Variants in INVS observed in about 807,000 individuals in gnomAD.
The protein encoded by INVS is inversion of embryo turning homolog.
A neutral mutation model predicts 108.8 loss-of-function variants in INVS; 86 were observed. That is an observed-to-expected ratio of 0.79 (90% confidence interval 0.66 to 0.95). INVS has a LOEUF of 0.95. Ranked by LOEUF, INVS falls within the 40% of genes least tolerant of loss-of-function variation. The pLI, the probability that INVS is intolerant of heterozygous loss-of-function variation, is 0.00. For missense variants in INVS, 1,169 were observed against 1,297.4 expected, an observed-to-expected ratio of 0.90 and a Z score of 1.52; for synonymous variants, 455 against 473.5, an observed-to-expected ratio of 0.96 and a Z score of 0.51.
At chr9:100,248,840 T>C (rs904238010) in intron 8 of INVS, among the ~76,000 whole-genome samples, 1 of 152,036 alleles carries the variant, frequency 6.6e-6, no homozygotes, top group African/African-American at 2.4e-5. Flanking sequence ...GATTACATCT[T>C]TCTGTTTGTG....
chr9:100,224,888 A>G (rs575260714), intron 3 of INVS, among the ~76,000 whole-genome samples: 11 of 149,034 alleles, frequency 7.4e-5, no homozygotes, highest in Admixed American at 7.3e-4. Context: ...TGCTGGGATT[A>G]CAGGCATGAG....
At position 100,253,415 on chromosome 9, in the gene INVS, CTT is replaced by C. The variant is rs58891678; in HGVS notation, c.1464+289_1464+290del. Among the ~76,000 whole-genome samples, 1,658 of 148,940 alleles carry C rather than the reference CTT, an allele frequency of 0.011. 17 individuals are homozygous for C. The highest frequency in any genetic ancestry group is 0.016 in the African/African-American group (658 of 40,662). ...TCTATAAACATAAATATATGATTTT[CTT>C]TTTTTTTTTAATTATACTTTAAGTT... On this transcript the variant is annotated intron_variant, in intron 10 of 16. Coordinates refer to ENST00000262457, the MANE Select transcript of INVS (RefSeq NM_014425.5).
intron 3 of INVS, among the ~76,000 whole-genome samples, chr9:100,225,038 C>G (rs1831268411): frequency 6.6e-6 from 1 of 151,416 alleles, no homozygotes; most frequent in Non-Finnish European, 1.5e-5. Context: ...CCGTTTGAGT[C>G]TGGGATCCAA....
At chr9:100,142,102 T>C (rs1380762954) in intron 3 of INVS, among the ~76,000 whole-genome samples, 2 of 152,186 alleles carry the variant, frequency 1.3e-5, no homozygotes, top group Non-Finnish European at 2.9e-5. Context: ...CTGATGCCTT[T>C]TGATGCCCCT....
At chr9:100,290,797 A>G (rs1030007282) in intron 13 of INVS, among the ~76,000 whole-genome samples, 4 of 150,572 alleles carry the variant, frequency 2.7e-5, no homozygotes, top group Non-Finnish European at 5.9e-5. Flanking sequence ...CTGCACCCTC[A>G]ACCTCCCAGC....
At chr9:100,198,628 C>G (rs1830455407) in intron 3 of INVS, among the ~76,000 whole-genome samples, 1 of 149,558 alleles carries the variant, frequency 6.7e-6, no homozygotes, top group Non-Finnish European at 1.5e-5. Flanking sequence ...GACTCTTGCT[C>G]TGTCGCCAGG....
At chr9:100,279,634 A>G (rs1833218302) in intron 12 of INVS, among the ~76,000 whole-genome samples, 1 of 152,238 alleles carries the variant, frequency 6.6e-6, no homozygotes, top group Admixed American at 6.5e-5. Flanking sequence ...ACACCAGGAC[A>G]ATTAACTAGA....
chr9:100,246,483 T>G, intron 7 of INVS, 133 bp from the exon 8 acceptor site: 1 of 659,764 alleles, frequency 1.5e-6, no homozygotes, highest in East Asian at 2.7e-5. Context: ...AATAAAAAGA[T>G]AATTTAATTT....
At chr9:100,177,116 T>A (rs572949782) in intron 3 of INVS, among the ~76,000 whole-genome samples, 3 of 151,976 alleles carry the variant, frequency 2.0e-5, no homozygotes, top group African/African-American at 7.2e-5. Context: ...TTTCCCACAA[T>A]CTTTGCAACC....
chr9:100,175,608 A>T (rs1829686221), intron 3 of INVS: 3 of 685,016 alleles, frequency 4.4e-6, no homozygotes, highest in Non-Finnish European at 8.3e-6. Flanking sequence ...GCAGAAAAAC[A>T]GCTGCCCAAA....
At chr9:100,195,675 A>G (rs903068963) in intron 3 of INVS, among the ~76,000 whole-genome samples, 8 of 151,980 alleles carry the variant, frequency 5.3e-5, no homozygotes, top group Non-Finnish European at 1.0e-4. Context: ...TTTAGTAGAT[A>G]CAGCATTCCA....
chr9:100,288,337 G>T lies in INVS; in HGVS notation c.2068+3734G>T, dbSNP rs140700417. ...ACTATAGGATACTGGGGCCCCAGAG[G>T]CTTCTTTTTGATTTGAACTATGTCA... On this transcript the variant is annotated intron_variant, in intron 13 of 16. Transcript: ENST00000262457. Among the ~76,000 whole-genome samples, 3 of 152,208 alleles carry T rather than the reference G, an allele frequency of 2.0e-5. No homozygotes were observed. The East Asian group carries it at 5.8e-4, about 29-fold the overall frequency.
intron 5 of INVS, among the ~76,000 whole-genome samples, chr9:100,238,563 T>C (rs904908602): frequency 1.3e-5 from 2 of 152,220 alleles, no homozygotes; most frequent in African/African-American, 4.8e-5. Flanking sequence ...CTTTAGGGTC[T>C]CCAATTATAT....
chr9:100,104,247 A>G (rs552921289), intron 1 of INVS, among the ~76,000 whole-genome samples: 1 of 151,816 alleles, frequency 6.6e-6, no homozygotes, highest in East Asian at 2.0e-4. Flanking sequence ...AGGTCTCACT[A>G]AGATAGACAG....
chr9:100,244,430 T>C (rs970308627), intron 7 of INVS, among the ~76,000 whole-genome samples: 4 of 152,180 alleles, frequency 2.6e-5, no homozygotes, highest in African/African-American at 9.7e-5. Flanking sequence ...TGAGATTAAA[T>C]GACTTGCTCA....
chr9:100,141,294 G>C (rs1380906155), intron 3 of INVS, among the ~76,000 whole-genome samples: 1 of 152,212 alleles, frequency 6.6e-6, no homozygotes, highest in Non-Finnish European at 1.5e-5. Context: ...AGAAGGGAAA[G>C]TGGTAAAAGT....
chr9:100,159,994 C>G (rs976630204), intron 3 of INVS, among the ~76,000 whole-genome samples: 2 of 152,132 alleles, frequency 1.3e-5, no homozygotes, highest in African/African-American at 4.8e-5. Flanking sequence ...GATTTCTAAC[C>G]AGGGTAGCCT....
chr9:100,271,868 G>A (rs1406026746), intron 11 of INVS, among the ~76,000 whole-genome samples: 4 of 151,540 alleles, frequency 2.6e-5, no homozygotes, highest in Non-Finnish European at 5.9e-5. Flanking sequence ...TATGGTTTCC[G>A]AAATTTTTTT....
At chr9:100,189,156 T>A (rs1282723656) in intron 3 of INVS, among the ~76,000 whole-genome samples, 1 of 149,604 alleles carries the variant, frequency 6.7e-6, no homozygotes, top group East Asian at 1.9e-4. Context: ...TCTATCAATC[T>A]TGTTTACCTT....
Sources: allele counts gnomAD v4.1 joint callset (sites outside exome capture counted in the v4.1 genomes callset), GRCh38; gene constraint gnomAD v4.1.1; transcripts MANE v1.5; gene names NCBI Gene and HGNC (gene_info 2026-07-23, HGNC 2026-07-21).